The following WWOX variants were observed in gnomAD, a reference collection of about 807,000 sequenced individuals.
WWOX encodes the protein WW domain containing oxidoreductase.
A neutral mutation model predicts 46.2 loss-of-function variants in WWOX; 69 were observed. The observed-to-expected ratio is 1.49, with a 90% CI of 1.23 to 1.82. The LOEUF (loss-of-function observed/expected upper bound fraction) is 1.82, where lower values mean the gene tolerates loss of function less well. Ranked by LOEUF, WWOX falls within the 40% of genes most tolerant of loss-of-function variation. WWOX has a pLI of 0.00. For synonymous variants in WWOX, 359 were observed against 202.6 expected, an observed-to-expected ratio of 1.77 and a Z score of -6.56; for missense variants, 919 against 542.6, an observed-to-expected ratio of 1.69 and a Z score of -6.89.
At chr16:78,210,042 A>G (rs2036509274) in intron 5 of WWOX, among the ~76,000 whole-genome samples, 1 of 152,174 alleles carries the variant, frequency 6.6e-6, no homozygotes, top group Non-Finnish European at 1.5e-5. Flanking sequence ...AAAAAGAAAA[A>G]AAAAAATTGT....
chr16:79,073,150 GTTATTA>G (rs58438039), intron 8 of WWOX, among the ~76,000 whole-genome samples: 17,910 of 142,974 alleles, frequency 0.13, 1,207 homozygotes, highest in African/African-American at 0.16. Flanking sequence ...GTAGTTATTC[GTTATTA>G]TTATTATTAT....
intron 8 of WWOX, among the ~76,000 whole-genome samples, chr16:78,627,856 A>T (rs1390204363): frequency 6.6e-6 from 1 of 152,218 alleles, no homozygotes; most frequent in Non-Finnish European, 1.5e-5. Context: ...GTTAGTCAAC[A>T]TCAAATGTCT....
chr16:78,477,291 A>C (rs773341458), intron 8 of WWOX, among the ~76,000 whole-genome samples: 1 of 152,200 alleles, frequency 6.6e-6, no homozygotes, highest in African/African-American at 2.4e-5. Flanking sequence ...AAAGCTCATT[A>C]TGTAAGCAGT....
chr16:79,042,807 C>T (rs574140056), intron 8 of WWOX, among the ~76,000 whole-genome samples: 2 of 149,236 alleles, frequency 1.3e-5, no homozygotes, highest in Non-Finnish European at 3.0e-5. Context: ...TACTGTTGAA[C>T]CATGCAAGTA....
intron 8 of WWOX, among the ~76,000 whole-genome samples, chr16:79,143,112 G>T (rs2050120931): frequency 6.6e-6 from 1 of 152,138 alleles, no homozygotes; most frequent in Non-Finnish European, 1.5e-5. Context: ...TGAAAAAAAA[G>T]TTTAAGGGAC....
At chr16:78,928,505 C>T (rs1470156292) in intron 8 of WWOX, among the ~76,000 whole-genome samples, 2 of 152,226 alleles carry the variant, frequency 1.3e-5, no homozygotes, top group African/African-American at 4.8e-5. Flanking sequence ...CCCGGCCCCA[C>T]TTTTCTTGTT....
At chr16:78,424,432 T>C (rs568833455) in intron 6 of WWOX, among the ~76,000 whole-genome samples, 1 of 152,308 alleles carries the variant, frequency 6.6e-6, no homozygotes, top group Admixed American at 6.5e-5. Context: ...GTGTCAGCCT[T>C]TTTAACAGCA....
At chr16:78,240,683 C>T (rs1021323968) in intron 5 of WWOX, among the ~76,000 whole-genome samples, 1 of 152,140 alleles carries the variant, frequency 6.6e-6, no homozygotes, top group South Asian at 2.1e-4. Flanking sequence ...GTGTTCGCAA[C>T]TGTCATTCCA....
At chr16:78,945,629 G>T (rs1416069177) in intron 8 of WWOX, among the ~76,000 whole-genome samples, 1 of 145,848 alleles carries the variant, frequency 6.9e-6, no homozygotes, top group Non-Finnish European at 1.5e-5. Flanking sequence ...TCTGACTACT[G>T]GTTTTATTTC....
rs1453323494 is a variant in WWOX at position 78,422,712 on chromosome 16, C to T, written c.606-2158C>T. On this transcript the variant is annotated intron_variant, in intron 6 of 8. Coordinates refer to ENST00000566780, the MANE Select transcript of WWOX (RefSeq NM_016373.4). ...ACACACACACACACATATATATATACACACACACATATATATATACACACA... is the reference window on the plus strand; with the variant it reads ...ACACACACACACACATATATATATATACACACACATATATATATACACACA... 1.7e-3 allele frequency among the ~76,000 whole-genome samples: 150 copies of T among 89,402 alleles called. 4 individuals are homozygous for T. The highest frequency in any genetic ancestry group is 2.2e-3 in the African/African-American group (52 of 23,702). The allele number at this position is 89,402 out of a possible 152,430, so 58.7% of individuals were successfully genotyped here. A position where few individuals can be genotyped will look rare whatever the true frequency, so the allele number is the denominator to read the frequency against.
intron 8 of WWOX, among the ~76,000 whole-genome samples, chr16:79,056,760 T>G (rs1229462835): frequency 6.6e-6 from 1 of 152,228 alleles, no homozygotes; most frequent in Non-Finnish European, 1.5e-5. Flanking sequence ...AAGTTTTTCT[T>G]GCTAAGTTTA....
chr16:78,612,311 C>CTT (rs1403679869), intron 8 of WWOX, among the ~76,000 whole-genome samples: 1 of 152,170 alleles, frequency 6.6e-6, no homozygotes, highest in East Asian at 1.9e-4. Context: ...GGAGGTAAAA[C>CTT]TTGAAGGTAG....
In WWOX at chr16:78,663,300, T is replaced by C. The variant is rs374871935; in HGVS notation, c.1056+230548T>C. 1.6e-4 allele frequency among the ~76,000 whole-genome samples: 25 copies of C among 152,324 alleles called. No homozygotes were observed. The East Asian group carries it at 3.9e-3, about 24-fold the overall frequency. On this transcript the variant is annotated intron_variant, in intron 8 of 8. Transcript: ENST00000566780. ...TTTAATGTTTTCAAGGTTTGTGTTA[T>C]TTCATGTATTAATATTATGTTGGTG...
intron 8 of WWOX, among the ~76,000 whole-genome samples, chr16:79,169,219 T>G (rs1464486369): frequency 6.6e-6 from 1 of 152,020 alleles, no homozygotes; most frequent in Non-Finnish European, 1.5e-5. Flanking sequence ...ACAGGGGCAT[T>G]TGGCTCCAGG....
At chr16:78,208,915 AT>A (rs1376350425) in intron 5 of WWOX, among the ~76,000 whole-genome samples, 3 of 151,834 alleles carry the variant, frequency 2.0e-5, no homozygotes, top group Admixed American at 6.6e-5. Flanking sequence ...TTATTTATTT[AT>A]TTTTTTTAGA....
rs74658697 is a variant in WWOX at position 78,379,583 on chromosome 16, T to G, written c.517-7277T>G. Among the ~76,000 whole-genome samples the G allele has an allele frequency of 9.6e-3, 1,469 of 152,274 alleles. 25 individuals carry two copies. Among genetic ancestry groups the G allele is most frequent in the African/African-American group, 0.034 (1,405 of 41,536 alleles). On this transcript the variant is annotated intron_variant, in intron 5 of 8. Transcript: ENST00000566780. ...AAGTCTGTGCCAGGGATTCTTTTGT[T>G]GGAGGTAAGTGGAGAACGCAAGGCC...
intron 5 of WWOX, among the ~76,000 whole-genome samples, chr16:78,201,441 AC>A (rs1276059680): frequency 1.3e-5 from 2 of 152,216 alleles, no homozygotes; most frequent in African/African-American, 4.8e-5. Flanking sequence ...GATAACTAAG[AC>A]CTGAAATGAT....
chr16:78,875,738 C>T (rs191733262), intron 8 of WWOX, among the ~76,000 whole-genome samples: 2 of 152,324 alleles, frequency 1.3e-5, no homozygotes, highest in Admixed American at 1.3e-4. Context: ...ACAACTGTGT[C>T]TACCCTTTCA....
intron 8 of WWOX, among the ~76,000 whole-genome samples, chr16:78,814,590 C>G (rs1227858039): frequency 6.6e-6 from 1 of 152,076 alleles, no homozygotes; most frequent in African/African-American, 2.4e-5. Flanking sequence ...CCAACCTATC[C>G]AATTTCAAGA....
Sources: gnomAD v4.1 joint callset for allele counts (sites outside exome capture counted in the v4.1 genomes callset) on GRCh38, gnomAD v4.1.1 for gene constraint, MANE v1.5 for transcripts, NCBI Gene and HGNC (gene_info 2026-07-23, HGNC 2026-07-21) for gene names.